Variants in MANSC1 observed in about 807,000 individuals in gnomAD.
The protein encoded by MANSC1 is MANSC domain containing 1.
Under a neutral mutation model 14.1 loss-of-function variants are expected in MANSC1, and 13 were observed. The observed-to-expected ratio is 0.92, with a 90% CI of 0.60 to 1.46. The LOEUF (loss-of-function observed/expected upper bound fraction) is 1.46, where lower values mean the gene tolerates loss of function less well. MANSC1 is among the 40% of genes most tolerant of loss of function. MANSC1 has a pLI of 0.00. For synonymous variants in MANSC1, 227 were observed against 200.7 expected, an observed-to-expected ratio of 1.13 and a Z score of -1.11; for missense variants, 486 against 511.4, an observed-to-expected ratio of 0.95 and a Z score of 0.48.
Position 12,335,339 on chromosome 12 carries a change from C to CT in MANSC1, c.364+3080dup, listed in dbSNP as rs60014261. On this transcript the variant is annotated intron_variant, in intron 3 of 3. Coordinates refer to ENST00000535902, the MANE Select transcript of MANSC1 (RefSeq NM_018050.4). ...GCTACGGTGAGCTTTGAGAAATCAC[C>CT]TTTTTTTTTTCTTCTCCCCGAGACA... is the stretch of plus-strand genomic sequence containing the variant. Among the ~76,000 whole-genome samples the CT allele has an allele frequency of 2.0e-3, 300 of 147,872 alleles. 4 individuals are homozygous for CT. The highest frequency in any genetic ancestry group is 6.0e-3 in the African/African-American group (241 of 40,412).
rs951700615 is a variant in MANSC1 at position 12,336,725 on chromosome 12, A to C, written c.364+1695T>G. Among the ~76,000 whole-genome samples, 8 of 152,006 alleles carry C rather than the reference A, an allele frequency of 5.3e-5. 1 individual carries two copies. The highest frequency in any genetic ancestry group is 1.9e-4 in the African/African-American group (8 of 41,358). ...TAATTTTTTGTGGATATGAGGTCTC[A>C]TCATGTTGCCCAGGCTGGTCTCTAA... On this transcript the variant is annotated intron_variant, in intron 3 of 3. Coordinates refer to ENST00000535902, the MANE Select transcript of MANSC1 (RefSeq NM_018050.4).
chr12:12,341,217 G>T (rs1448747793), intron 2 of MANSC1, among the ~76,000 whole-genome samples: 2 of 152,118 alleles, frequency 1.3e-5, no homozygotes, highest in Non-Finnish European at 2.9e-5. Context: ...TAATTTGCAA[G>T]AACAACTAAT....
Position 12,330,218 on chromosome 12 carries a change from G to A in MANSC1, c.1105C>T (p.Gln369Ter). The change falls in exon 4 of 4, where the codon CAG (glutamine) becomes TAG (stop). Residue 369 changes from glutamine to a stop codon, truncating the protein, a stop_gained. Transcript: ENST00000535902. LOFTEE classifies it low-confidence loss of function (END_TRUNC). ...TACTGATTTTCTGGAACACTGCCCT[G>A]GGAGGAACTGCCTGGACTGGCCTCC... The part of the protein sequence containing the change: ...GREASPGSSS[Q>*]GSVPENQYGL... 1 of 1,614,190 alleles carries A rather than the reference G, an allele frequency of 6.2e-7. No individual in the cohort carries two copies. Among genetic ancestry groups the A allele is most frequent in the East Asian group, 2.2e-5 (1 of 44,878 alleles).
intron 1 of MANSC1, among the ~76,000 whole-genome samples, chr12:12,345,900 G>A (rs1156677753): frequency 6.6e-6 from 1 of 152,210 alleles, no homozygotes; most frequent in Non-Finnish European, 1.5e-5. Flanking sequence ...CAAAATCCTG[G>A]TGAAAGAAAT....
chr12:12,326,628 GT>G lies in MANSC1; in HGVS notation c.*3398del, dbSNP rs5796488. ...GTTTTTTTTTTGTTGTTGTTGTTTTGTTTTTTTTTTTGAGATGGGCTCTCGT... is the reference window on the plus strand; with the variant it reads ...GTTTTTTTTTTGTTGTTGTTGTTTTGTTTTTTTTTTGAGATGGGCTCTCGT... On this transcript the variant is annotated 3_prime_UTR_variant, in exon 4 of 4. Transcript: ENST00000535902. The G allele has an allele frequency of 1.4e-5, 2 of 142,316 alleles. No individual in the cohort carries two copies. The highest frequency in any genetic ancestry group is 1.5e-5 in the Non-Finnish European group (1 of 66,188). 8.8% of individuals were successfully genotyped at this position (142,316 alleles called of 1,614,324 possible).
At chr12:12,333,804 A>G (rs528382535) in intron 3 of MANSC1, among the ~76,000 whole-genome samples, 2 of 152,354 alleles carry the variant, frequency 1.3e-5, no homozygotes, top group African/African-American at 2.4e-5. Flanking sequence ...GAATTCTCCT[A>G]TTCTTCCAGT....
At chr12:12,346,398 G>C (rs1863010845) in intron 1 of MANSC1, among the ~76,000 whole-genome samples, 1 of 152,162 alleles carries the variant, frequency 6.6e-6, no homozygotes, top group Non-Finnish European at 1.5e-5. Flanking sequence ...ATGCAGAAAA[G>C]ACCAAGAACA....
In MANSC1 at chr12:12,338,437, C is replaced by G. The variant is rs770923884; in HGVS notation, c.347G>C (p.Ser116Thr). The G allele has an allele frequency of 6.2e-7, 1 of 1,602,444 alleles. No individual in the cohort carries two copies. Among genetic ancestry groups the G allele is most frequent in the Admixed American group, 1.8e-5 (1 of 55,434 alleles). Residue 116 changes from serine (S) to threonine (T), a missense_variant, in exon 3 of 4, where the codon AGT (serine) becomes ACT (threonine). Ser to Thr is a moderately conservative substitution (Grantham distance 58, BLOSUM62 1). Coordinates refer to ENST00000535902, the MANE Select transcript of MANSC1 (RefSeq NM_018050.4). ...CPLKPAKGLM[S>T]YRIITDFPSL... ...TTCATTACCTGTAATTATCCTGTAA[C>G]TCATAAGTCCTTTTGCTGGTTTCAA...
intron 1 of MANSC1, among the ~76,000 whole-genome samples, chr12:12,346,966 G>GTT (rs1402151700): frequency 1.4e-5 from 2 of 142,748 alleles, no homozygotes; most frequent in African/African-American, 2.6e-5. Flanking sequence ...ATTTGAGGTG[G>GTT]TTTTTTTTTT....
intron 3 of MANSC1, among the ~76,000 whole-genome samples, chr12:12,336,702 A>T (rs1650602334): frequency 6.6e-6 from 1 of 151,790 alleles, no homozygotes; most frequent in African/African-American, 2.4e-5. Context: ...AATTTTTTTA[A>T]TTTTTTGTGG....
Position 12,329,806 on chromosome 12 carries a change from C to A in MANSC1, c.*221G>T. 1 of 494,758 alleles carries A rather than the reference C, an allele frequency of 2.0e-6. No homozygotes were observed. Among genetic ancestry groups the A allele is most frequent in the South Asian group, 2.9e-5 (1 of 34,108 alleles). The allele number at this position is 494,758 out of a possible 1,614,324, so 30.6% of individuals were successfully genotyped here. On this transcript the variant is annotated 3_prime_UTR_variant, in exon 4 of 4. Coordinates refer to ENST00000535902, the MANE Select transcript of MANSC1 (RefSeq NM_018050.4). ...GGCTGAGGCAGGAGAATCGCTTGAA[C>A]CCAGGAGACGGAGGTTGCGGTGAGA...
intron 3 of MANSC1, among the ~76,000 whole-genome samples, chr12:12,332,763 C>T (rs1592029729): frequency 6.6e-6 from 1 of 152,236 alleles, no homozygotes; most frequent in East Asian, 1.9e-4. Context: ...TCAGGTGATC[C>T]ACCCCCTTCG....
chr12:12,336,135 C>T (rs945354602), intron 3 of MANSC1, among the ~76,000 whole-genome samples: 1 of 152,152 alleles, frequency 6.6e-6, no homozygotes, highest in Non-Finnish European at 1.5e-5. Context: ...GAGACTCTGT[C>T]TCAAAAACAA....
intron 1 of MANSC1, among the ~76,000 whole-genome samples, chr12:12,349,670 T>C (rs1017188218): frequency 2.0e-5 from 3 of 152,226 alleles, no homozygotes; most frequent in Non-Finnish European, 4.4e-5. Flanking sequence ...CACTATAATT[T>C]ACCAAGATGC....
chr12:12,344,964 T>TATATATATAC (rs1862990918), intron 1 of MANSC1, among the ~76,000 whole-genome samples: 1 of 108,412 alleles, frequency 9.2e-6, no homozygotes, highest in Non-Finnish European at 1.9e-5. Flanking sequence ...TATATATATA[T>TATATATATAC]ATATTACACT....
Position 12,330,933 on chromosome 12 carries a change from CA to C in MANSC1, c.389del (p.Leu130CysfsTer24). 6.3e-7 allele frequency: 1 copy of C among 1,580,440 alleles called. No individual in the cohort carries two copies. The highest frequency in any genetic ancestry group is 8.6e-7 in the Non-Finnish European group (1 of 1,166,098). On this transcript the variant is annotated frameshift_variant, in exon 4 of 4. Coordinates refer to ENST00000535902, the MANE Select transcript of MANSC1 (RefSeq NM_018050.4). LOFTEE classifies it low-confidence loss of function (END_TRUNC). ...CTTCCTGGGGTAACTCTTGGCTTGGCAAATTTCTGGTCAAAGATGGAAAATC... is the reference window on the plus strand; with the variant it reads ...CTTCCTGGGGTAACTCTTGGCTTGGCAATTTCTGGTCAAAGATGGAAAATC... ...ITDFPSLTRN[L>X]PSQELPQEDS...
intron 3 of MANSC1, among the ~76,000 whole-genome samples, chr12:12,334,561 G>A (rs556467623): frequency 1.3e-5 from 2 of 151,962 alleles, no homozygotes; most frequent in East Asian, 3.9e-4. Flanking sequence ...AACCTGCTCA[G>A]GGGCCGGCAA....
At chr12:12,333,505 C>T (rs575707330) in intron 3 of MANSC1, among the ~76,000 whole-genome samples, 79 of 152,280 alleles carry the variant, frequency 5.2e-4, no homozygotes, top group African/African-American at 1.8e-3. Flanking sequence ...AAAGCTAGGG[C>T]CAGTCCCACT....
rs1046359620 is a variant in MANSC1 at position 12,326,686 on chromosome 12, A to C, written c.*3341T>G. ...GCCCAGGCTGGAGTGCAGTGGCGTG[A>C]TCATGGCTCACTGCAGCCTCGACCT... On this transcript the variant is annotated 3_prime_UTR_variant, in exon 4 of 4. Transcript: ENST00000535902. 3 of 148,918 alleles carry C rather than the reference A, an allele frequency of 2.0e-5. No homozygotes were observed. The highest frequency in any genetic ancestry group is 7.4e-5 in the African/African-American group (3 of 40,348). The allele number at this position is 148,918 out of a possible 1,614,324, so 9.2% of individuals were successfully genotyped here. A position where few individuals can be genotyped will look rare whatever the true frequency, so the allele number is the denominator to read the frequency against.
Sources: gnomAD v4.1 joint callset for allele counts (sites outside exome capture counted in the v4.1 genomes callset) on GRCh38, gnomAD v4.1.1 for gene constraint, MANE v1.5 for transcripts, NCBI Gene and HGNC (gene_info 2026-07-23, HGNC 2026-07-21) for gene names.